The following SDK1 variants were observed in gnomAD, a reference collection of about 807,000 sequenced individuals.
SDK1 encodes the protein sidekick cell adhesion molecule 1, also known as protein sidekick-1.
SDK1 carries 157 observed loss-of-function variants against 245.5 expected under a neutral mutation model. The observed-to-expected ratio is 0.64, with a 90% CI of 0.56 to 0.73. SDK1 has a LOEUF of 0.73. SDK1 is among the 30% of genes least tolerant of loss of function. The probability of loss-of-function intolerance (pLI) is 0.00; values close to 1 mark genes in which losing one functional copy is unlikely to be tolerated. For synonymous variants in SDK1, 1,647 were observed against 1,278.5 expected (o/e 1.29, Z -6.15); for missense variants, 3,583 against 3,002.3 (o/e 1.19, Z -4.52).
intron 1 of SDK1, among the ~76,000 whole-genome samples, chr7:3,527,097 G>T (rs1294853188): frequency 6.6e-6 from 1 of 152,140 alleles, no homozygotes; most frequent in Non-Finnish European, 1.5e-5. Context: ...GGCATTTATA[G>T]TGAGCACATA....
intron 2 of SDK1, among the ~76,000 whole-genome samples, chr7:3,627,245 G>A (rs550015548): frequency 6.6e-6 from 1 of 152,268 alleles, no homozygotes; most frequent in South Asian, 2.1e-4. Context: ...ACCAGGCATT[G>A]TTCCGAATCC....
intron 1 of SDK1, among the ~76,000 whole-genome samples, chr7:3,564,117 CAAGA>C (rs900192870): frequency 6.6e-6 from 1 of 150,954 alleles, no homozygotes; most frequent in African/African-American, 2.4e-5. Flanking sequence ...TATTAGGAAA[CAAGA>C]AAGATAAAAA....
rs575580511 is a variant in SDK1, at chr7:3,995,278, C to T, written c.2131+7956C>T. ...TCGCCCTGATCCTGTCCCCCTCTGCCTTTGCCTGATCAGCTCTTACTCAGC... is the reference window on the plus strand; with the variant it reads ...TCGCCCTGATCCTGTCCCCCTCTGCTTTTGCCTGATCAGCTCTTACTCAGC... On this transcript the variant is annotated intron_variant, in intron 14 of 44. Coordinates refer to ENST00000404826, the MANE Select transcript of SDK1 (RefSeq NM_152744.4). 2.0e-5 allele frequency among the ~76,000 whole-genome samples: 3 copies of T among 152,326 alleles called. No individual in the cohort carries two copies. In the East Asian group the frequency reaches 5.8e-4, roughly 29 times the overall value.
intron 4 of SDK1, among the ~76,000 whole-genome samples, chr7:3,774,063 A>T (rs1008083747): frequency 6.6e-6 from 1 of 151,982 alleles, no homozygotes; most frequent in African/African-American, 2.4e-5. Context: ...AAATACAAAA[A>T]AATTAGCCAG....
At chr7:3,319,878 C>CTTTTTTTTTTGTTTTTTTTTTTT (rs1779755415) in intron 1 of SDK1, among the ~76,000 whole-genome samples, 1 of 88,102 alleles carries the variant, frequency 1.1e-5, no homozygotes, top group African/African-American at 4.6e-5. Flanking sequence ...CATTCTTAGT[C>CTTTTTTTTTTGTTTTTTTTTTTT]TTTTTTTTTT....
At chr7:3,626,095 C>T (rs988459156) in intron 2 of SDK1, among the ~76,000 whole-genome samples, 1 of 151,572 alleles carries the variant, frequency 6.6e-6, no homozygotes, top group Non-Finnish European at 1.5e-5. Flanking sequence ...AAATGGGTGC[C>T]ACCACAACTA....
In SDK1 at chr7:3,996,358, C is replaced by G. The variant is rs146631699; in HGVS notation, c.2131+9036C>G. Among the ~76,000 whole-genome samples, 691 of 152,242 alleles carry G rather than the reference C, an allele frequency of 4.5e-3. 5 individuals are homozygous for G. The highest frequency in any genetic ancestry group is 0.016 in the African/African-American group (655 of 41,566). On this transcript the variant is annotated intron_variant, in intron 14 of 44. Transcript: ENST00000404826. ...TCAACTTTTCAGAATTTTGTTATTA[C>G]TTGTCATCATTTATTCTTCCAGAAA...
At chr7:3,573,144 GT>G (rs1381580623) in intron 1 of SDK1, among the ~76,000 whole-genome samples, 1 of 152,062 alleles carries the variant, frequency 6.6e-6, no homozygotes, top group Non-Finnish European at 1.5e-5. Flanking sequence ...CTATAGTTGA[GT>G]TTTAAATGGG....
chr7:3,616,859 A>G lies in SDK1; in HGVS notation c.299-2221A>G, dbSNP rs566189091. ...TAAATGTACAGTAGTTTATAAGAAC[A>G]GCTTAGTAATGTCACAAATAAATTA... On this transcript the variant is annotated intron_variant, in intron 1 of 44. Transcript: ENST00000404826. 4.6e-5 allele frequency among the ~76,000 whole-genome samples: 7 copies of G among 152,336 alleles called. No individual in the cohort carries two copies. The South Asian group carries it at 1.5e-3, about 32-fold the overall frequency.
chr7:4,178,645 C>A, intron 35 of SDK1, 59 bp downstream of exon 35: 1 of 1,250,222 alleles, frequency 8.0e-7, no homozygotes, highest in Non-Finnish European at 1.2e-6. Context: ...TGGGGACAGC[C>A]AGGCACGCTG....
intron 1 of SDK1, among the ~76,000 whole-genome samples, chr7:3,542,459 TC>T (rs889251696): frequency 5.9e-5 from 9 of 152,080 alleles, no homozygotes; most frequent in Non-Finnish European, 1.0e-4. Context: ...CTTTCCTCTT[TC>T]AGAGAGAAGG....
intron 4 of SDK1, among the ~76,000 whole-genome samples, chr7:3,726,859 G>A (rs1356591673): frequency 6.6e-6 from 1 of 152,140 alleles, no homozygotes; most frequent in East Asian, 1.9e-4. Flanking sequence ...CCCTTGACAT[G>A]AAACACCTTT....
Position 3,891,478 on chromosome 7 carries a change from A to G in SDK1, c.848-59445A>G, listed in dbSNP as rs145408866. On this transcript the variant is annotated intron_variant, in intron 5 of 44. Coordinates refer to ENST00000404826, the MANE Select transcript of SDK1 (RefSeq NM_152744.4). ...TTTTAGATCTCAAATGCCACGGTCT[A>G]TGTTAATCCAGCCGAAAGTGTAGTT... is the stretch of plus-strand genomic sequence containing the variant. Among the ~76,000 whole-genome samples, 399 of 152,292 alleles carry G rather than the reference A, an allele frequency of 2.6e-3. 3 individuals carry two copies. The highest frequency in any genetic ancestry group is 8.5e-3 in the African/African-American group (355 of 41,572).
chr7:3,573,636 T>C (rs780002074), intron 1 of SDK1, among the ~76,000 whole-genome samples: 1 of 152,022 alleles, frequency 6.6e-6, no homozygotes, highest in Non-Finnish European at 1.5e-5. Context: ...GAAAAAACAA[T>C]AATCAAATGA....
At chr7:3,648,302 C>A (rs1383170154) in intron 4 of SDK1, among the ~76,000 whole-genome samples, 1 of 152,196 alleles carries the variant, frequency 6.6e-6, no homozygotes, top group Non-Finnish European at 1.5e-5. Flanking sequence ...CTGTACAGTG[C>A]CATTCTTGTG....
intron 44 of SDK1, among the ~76,000 whole-genome samples, chr7:4,250,137 A>G (rs890149703): frequency 1.3e-5 from 2 of 152,140 alleles, no homozygotes; most frequent in Admixed American, 6.5e-5. Flanking sequence ...ATCTAAATAA[A>G]TCGTACAGTA....
At chr7:4,038,270 C>A (rs1189419423) in intron 17 of SDK1, among the ~76,000 whole-genome samples, 2 of 152,222 alleles carry the variant, frequency 1.3e-5, no homozygotes, top group Non-Finnish European at 2.9e-5. Flanking sequence ...TCTGCCCTGT[C>A]CTGGCCTCCC....
At chr7:4,245,025 C>T (rs1045397472) in intron 43 of SDK1, among the ~76,000 whole-genome samples, 1 of 152,206 alleles carries the variant, frequency 6.6e-6, no homozygotes, top group Non-Finnish European at 1.5e-5. Context: ...GAGTAGCTGT[C>T]CTTCACCCAT....
At chr7:3,865,155 C>T (rs1780790715) in intron 5 of SDK1, among the ~76,000 whole-genome samples, 1 of 152,114 alleles carries the variant, frequency 6.6e-6, no homozygotes, top group South Asian at 2.1e-4. Flanking sequence ...TGAACGTCCA[C>T]AGAGATGAGA....
Sources: allele counts gnomAD v4.1 joint callset (sites outside exome capture counted in the v4.1 genomes callset), GRCh38; gene constraint gnomAD v4.1.1; transcripts MANE v1.5; gene names NCBI Gene and HGNC (gene_info 2026-07-23, HGNC 2026-07-21).